Variants in PTPRD observed in about 807,000 individuals in gnomAD.
The protein encoded by PTPRD is receptor-type tyrosine-protein phosphatase delta.
PTPRD carries 34 observed loss-of-function variants against 214.5 expected under a neutral mutation model. The observed-to-expected ratio is 0.16, with a 90% CI of 0.12 to 0.21. The LOEUF is 0.21. Among genes scored for constraint, PTPRD ranks in the 10% least tolerant of loss-of-function variants. The pLI, the probability that PTPRD is intolerant of heterozygous loss-of-function variation, is 1.00. For missense variants in PTPRD, 2,545 were observed against 2,398.7 expected (o/e 1.06, Z -1.27); for synonymous variants, 1,128 against 845.7 (o/e 1.33, Z -5.79).
chr9:8,448,281 T>C (rs1052904111), intron 34 of PTPRD, among the ~76,000 whole-genome samples: 1 of 152,160 alleles, frequency 6.6e-6, no homozygotes, highest in African/African-American at 2.4e-5. Flanking sequence ...TGAGCCGTCA[T>C]TGTGCTACTG....
chr9:10,290,091 C>A (rs904988294), intron 3 of PTPRD, among the ~76,000 whole-genome samples: 2 of 152,000 alleles, frequency 1.3e-5, no homozygotes, highest in African/African-American at 4.8e-5. Flanking sequence ...AATTTTAATA[C>A]TCAAATCATT....
chr9:9,787,286 G>C (rs530614543), intron 5 of PTPRD, among the ~76,000 whole-genome samples: 2 of 151,664 alleles, frequency 1.3e-5, no homozygotes, highest in African/African-American at 2.4e-5. Context: ...TTGGGTGGTA[G>C]AGAGTGCTAC....
At position 8,331,271 on chromosome 9, in the gene PTPRD, A is replaced by ATGAT. The variant is rs1383670450; in HGVS notation, c.5534+307_5534+310dup. ...CTATGAAAGCAAAAGCAAATATGAA[A>ATGAT]TGATTAACAACGAATTATTACTAGG... is the stretch of plus-strand genomic sequence containing the variant. On this transcript the variant is annotated intron_variant, in intron 44 of 45. Coordinates refer to ENST00000381196, the MANE Select transcript of PTPRD (RefSeq NM_002839.4). Among the ~76,000 whole-genome samples, 16 of 152,306 alleles carry ATGAT rather than the reference A, an allele frequency of 1.1e-4. No individual in the cohort carries two copies. The South Asian group carries it at 2.5e-3, about 24-fold the overall frequency.
At chr9:9,173,515 G>A (rs1481273584) in intron 10 of PTPRD, among the ~76,000 whole-genome samples, 1 of 152,074 alleles carries the variant, frequency 6.6e-6, no homozygotes, top group Non-Finnish European at 1.5e-5. Context: ...TAGCCTACCA[G>A]TGTAGCTATA....
intron 9 of PTPRD, among the ~76,000 whole-genome samples, chr9:9,284,831 C>A (rs1168890678): frequency 1.3e-5 from 2 of 151,658 alleles, no homozygotes; most frequent in African/African-American, 4.8e-5. Flanking sequence ...TCATTTTCTA[C>A]CAAATGTGGA....
In PTPRD at chr9:9,587,889, A is replaced by G. The variant is rs188347256; in HGVS notation, c.-286-13108T>C. On this transcript the variant is annotated intron_variant, in intron 7 of 45. Coordinates refer to ENST00000381196, the MANE Select transcript of PTPRD (RefSeq NM_002839.4). The stretch of plus-strand genomic sequence containing the variant: ...TTGGAGGATAAAGAGAGGTTGATTA[A>G]TAGGTATAAACACATAGTTAGAAGA... Among the ~76,000 whole-genome samples the G allele has an allele frequency of 5.3e-5, 8 of 152,106 alleles. No homozygotes were observed. In the East Asian group the frequency reaches 1.6e-3, roughly 30 times the overall value.
chr9:8,640,952 C>T (rs1344043277), intron 12 of PTPRD, among the ~76,000 whole-genome samples: 1 of 148,612 alleles, frequency 6.7e-6, no homozygotes, highest in Non-Finnish European at 1.5e-5. Flanking sequence ...GGCAGCCAGC[C>T]AAAGGAAAGA....
At chr9:9,432,677 A>C (rs1237241362) in intron 8 of PTPRD, among the ~76,000 whole-genome samples, 1 of 152,234 alleles carries the variant, frequency 6.6e-6, no homozygotes, top group African/African-American at 2.4e-5. Flanking sequence ...AGCTATTTAG[A>C]TATTTAGGAT....
At chr9:10,168,586 G>C (rs1473359489) in intron 3 of PTPRD, among the ~76,000 whole-genome samples, 1 of 152,076 alleles carries the variant, frequency 6.6e-6, no homozygotes, top group Non-Finnish European at 1.5e-5. Flanking sequence ...AAATACCAAA[G>C]CAGCAGTGTA....
At chr9:9,129,743 A>C (rs28559641) in intron 10 of PTPRD, among the ~76,000 whole-genome samples, 5,152 of 152,260 alleles carry the variant, frequency 0.034, 180 homozygotes, top group African/African-American at 0.075. Context: ...TAACTGGAAT[A>C]TACTGTTTGA....
At chr9:10,193,112 C>T (rs939422394) in intron 3 of PTPRD, among the ~76,000 whole-genome samples, 4 of 152,048 alleles carry the variant, frequency 2.6e-5, no homozygotes, top group African/African-American at 9.7e-5. Context: ...TTTTCAATTT[C>T]CCATTCCCTC....
chr9:10,084,853 G>A (rs2098305128), intron 3 of PTPRD, among the ~76,000 whole-genome samples: 1 of 151,834 alleles, frequency 6.6e-6, no homozygotes, highest in Non-Finnish European at 1.5e-5. Context: ...AACACAGCAT[G>A]CTTAGAACAT....
intron 10 of PTPRD, among the ~76,000 whole-genome samples, chr9:9,166,811 T>C (rs1206480420): frequency 6.6e-6 from 1 of 152,062 alleles, no homozygotes; most frequent in Non-Finnish European, 1.5e-5. Context: ...AAACCCCTCC[T>C]TCCAAAAAAC....
chr9:10,198,532 A>G (rs1280943121), intron 3 of PTPRD, among the ~76,000 whole-genome samples: 1 of 152,142 alleles, frequency 6.6e-6, no homozygotes, highest in Non-Finnish European at 1.5e-5. Flanking sequence ...TGAAGGCATT[A>G]GCATTATGGG....
chr9:9,450,305 A>G (rs920935606), intron 8 of PTPRD, among the ~76,000 whole-genome samples: 1 of 152,010 alleles, frequency 6.6e-6, no homozygotes, highest in African/African-American at 2.4e-5. Flanking sequence ...GCTGGATCAA[A>G]TGGTAGTTCT....
At chr9:8,685,154 C>A (rs1596954906) in intron 12 of PTPRD, among the ~76,000 whole-genome samples, 1 of 151,804 alleles carries the variant, frequency 6.6e-6, no homozygotes, top group African/African-American at 2.4e-5. Context: ...TAGGAGAAAG[C>A]TTTTCTTTGG....
At chr9:9,155,121 C>A (rs932290441) in intron 10 of PTPRD, among the ~76,000 whole-genome samples, 1 of 152,102 alleles carries the variant, frequency 6.6e-6, no homozygotes, top group Admixed American at 6.6e-5. Context: ...TACGAAATGA[C>A]GATTGCCTTA....
chr9:9,391,932 T>A (rs1186962857), intron 9 of PTPRD, among the ~76,000 whole-genome samples: 2 of 152,156 alleles, frequency 1.3e-5, no homozygotes, highest in Non-Finnish European at 2.9e-5. Flanking sequence ...GTGGTAATCA[T>A]ATTGAGTTCA....
chr9:8,753,098 T>C (rs961018740), intron 11 of PTPRD, among the ~76,000 whole-genome samples: 2 of 152,186 alleles, frequency 1.3e-5, no homozygotes, highest in Admixed American at 6.5e-5. Flanking sequence ...ATAAAATCAC[T>C]AGCTTTCAGA....
Sources: allele counts gnomAD v4.1 joint callset (sites outside exome capture counted in the v4.1 genomes callset), GRCh38; gene constraint gnomAD v4.1.1; transcripts MANE v1.5; gene names NCBI Gene and HGNC (gene_info 2026-07-23, HGNC 2026-07-21).